Variants in BPTF observed in about 807,000 individuals in gnomAD.
The protein encoded by BPTF is nucleosome-remodeling factor subunit BPTF.
A neutral mutation model predicts 292.5 loss-of-function variants in BPTF; 18 were observed. That is an observed-to-expected ratio of 0.06 (90% CI 0.04 to 0.09). The LOEUF is 0.09. Among genes scored for constraint, BPTF ranks in the 10% least tolerant of loss-of-function variants. The pLI is 1.00. For missense variants in BPTF, 2,726 were observed against 3,498.7 expected, an observed-to-expected ratio of 0.78 and a Z score of 5.57; for synonymous variants, 1,225 against 1,251.9, an observed-to-expected ratio of 0.98 and a Z score of 0.45.
chr17:67,882,436 T>C (rs12938158), intron 4 of BPTF, among the ~76,000 whole-genome samples: 85 of 152,354 alleles, frequency 5.6e-4, no homozygotes, highest in African/African-American at 2.0e-3. Flanking sequence ...TTTACATTTG[T>C]ATATCTGTTC....
chr17:67,901,663 T>C (rs1174375366), intron 7 of BPTF, among the ~76,000 whole-genome samples: 8 of 152,198 alleles, frequency 5.3e-5, no homozygotes, highest in Admixed American at 5.2e-4. Flanking sequence ...ACATAAAAAA[T>C]GATTACTTCT....
At chr17:67,974,484 G>A (rs782314101) in intron 26 of BPTF, 21 of 152,058 alleles carry the variant, frequency 1.4e-4, no homozygotes, top group Non-Finnish European at 2.8e-4. Context: ...TGAAGATAGG[G>A]TTAGATCCCA....
At chr17:67,828,789 AAG>A (rs1193485440) in intron 1 of BPTF, among the ~76,000 whole-genome samples, 19 of 152,156 alleles carry the variant, frequency 1.2e-4, no homozygotes, top group African/African-American at 4.3e-4. Context: ...CAGCCTCCCA[AAG>A]TGCTGGGATT....
Position 67,941,058 on chromosome 17 carries a change from A to G in BPTF, c.6477+402A>G, listed in dbSNP as rs939078405. 1.3e-4 allele frequency among the ~76,000 whole-genome samples: 20 copies of G among 152,274 alleles called. 1 individual carries two copies. The highest frequency in any genetic ancestry group is 1.5e-5 in the Non-Finnish European group (1 of 68,052). ...GTTTTGTTTTTAGTGAAACTTCACAAGCTGATACTGAAAGTTTATATGGAG... is the reference window on the plus strand; with the variant it reads ...GTTTTGTTTTTAGTGAAACTTCACAGGCTGATACTGAAAGTTTATATGGAG... On this transcript the variant is annotated intron_variant, in intron 19 of 27. Coordinates refer to ENST00000306378, the MANE Select transcript of BPTF (RefSeq NM_182641.4).
chr17:67,958,271 A>G (rs1555681893), intron 23 of BPTF, among the ~76,000 whole-genome samples: 3 of 151,954 alleles, frequency 2.0e-5, no homozygotes, highest in African/African-American at 7.3e-5. Context: ...GGTGAAGGGT[A>G]CAGTGAGCCA....
chr17:67,975,690 T>A (rs542232083), intron 26 of BPTF, 82 bp from the exon 27 acceptor site: 4 of 1,296,800 alleles, frequency 3.1e-6, no homozygotes, highest in South Asian at 2.9e-5. Context: ...AGTAAACATA[T>A]ATACTTGTTA....
At chr17:67,876,145 T>C (rs2060038212) in intron 4 of BPTF, among the ~76,000 whole-genome samples, 1 of 152,250 alleles carries the variant, frequency 6.6e-6, no homozygotes, top group South Asian at 2.1e-4. Context: ...GTAATATTTA[T>C]AGCATTTCAA....
At chr17:67,981,606 C>CT in intron 27 of BPTF, 2 of 1,046,568 alleles carry the variant, frequency 1.9e-6, no homozygotes, top group Non-Finnish European at 2.3e-6. Context: ...AAAATTTACT[C>CT]TAGCAGCCAT....
intron 26 of BPTF, among the ~76,000 whole-genome samples, chr17:67,970,564 T>G (rs2068653099): frequency 6.6e-6 from 1 of 152,336 alleles, no homozygotes; most frequent in African/African-American, 2.4e-5. Context: ...AGTAAACATT[T>G]ATTTTCTAAG....
At position 67,895,332 on chromosome 17, in the gene BPTF, C is replaced by CAA. The variant is rs35234780; in HGVS notation, c.2543+1190_2543+1191dup. Among the ~76,000 whole-genome samples, 532 of 56,246 alleles carry CAA rather than the reference C, an allele frequency of 9.5e-3. 8 individuals carry two copies. The highest frequency in any genetic ancestry group is 0.019 in the African/African-American group (338 of 18,036). 36.9% of individuals were successfully genotyped at this position (56,246 alleles called of 152,430 possible). ...TGGGTGACAGAGCAAGACTTCATCT[C>CAA]AAAAAAAAAAAAAAAAAAAAAAAAG... On this transcript the variant is annotated intron_variant, in intron 7 of 27. Transcript: ENST00000306378.
chr17:67,954,673 C>T (rs1382605114), intron 23 of BPTF, among the ~76,000 whole-genome samples: 1 of 152,186 alleles, frequency 6.6e-6, no homozygotes, highest in Admixed American at 6.6e-5. Context: ...TATTTCTTCT[C>T]AGTTTCTCTT....
At chr17:67,871,970 C>T (rs889890107) in intron 3 of BPTF, among the ~76,000 whole-genome samples, 1 of 152,066 alleles carries the variant, frequency 6.6e-6, no homozygotes. Flanking sequence ...GGATTACAGG[C>T]GTGTGCCACC....
In BPTF at chr17:67,982,317, A is replaced by G; in HGVS notation, c.*29A>G. ...TCAGCGTGTTAACCTAACATAAAAC[A>G]CAGCAAGAATCTGGTTGTCTGAACT... On this transcript the variant is annotated 3_prime_UTR_variant, in exon 28 of 28. Coordinates refer to ENST00000306378, the MANE Select transcript of BPTF (RefSeq NM_182641.4). 2 of 1,593,872 alleles carry G rather than the reference A, an allele frequency of 1.3e-6. No individual in the cohort carries two copies. Among genetic ancestry groups the G allele is most frequent in the African/African-American group, 1.3e-5 (1 of 74,578 alleles).
chr17:67,845,226 C>T (rs1447175187), intron 1 of BPTF, among the ~76,000 whole-genome samples: 1 of 152,158 alleles, frequency 6.6e-6, no homozygotes, highest in Non-Finnish European at 1.5e-5. Context: ...TATCTTTCAC[C>T]TTTGAAAGTA....
chr17:67,964,735 T>C (rs1224639120), intron 25 of BPTF, among the ~76,000 whole-genome samples: 12 of 152,258 alleles, frequency 7.9e-5, no homozygotes, highest in African/African-American at 1.7e-4. Context: ...GCATGGTGGC[T>C]CATGCCTGTA....
At chr17:67,935,907 T>C (rs1405153388) in intron 18 of BPTF, among the ~76,000 whole-genome samples, 1 of 152,222 alleles carries the variant, frequency 6.6e-6, no homozygotes, top group Admixed American at 6.5e-5. Flanking sequence ...TTCAGAAGTC[T>C]TACTATACAT....
At chr17:67,941,951 T>A (rs2147853491) in intron 19 of BPTF, among the ~76,000 whole-genome samples, 1 of 152,084 alleles carries the variant, frequency 6.6e-6, no homozygotes, top group African/African-American at 2.4e-5. Context: ...ATCCAGAATA[T>A]ATAAAGAATT....
At chr17:67,898,412 C>T (rs768433496) in intron 7 of BPTF, among the ~76,000 whole-genome samples, 1 of 152,062 alleles carries the variant, frequency 6.6e-6, no homozygotes, top group Non-Finnish European at 1.5e-5. Context: ...CATTAGATGC[C>T]AAGAAGGTAT....
chr17:67,954,825 C>T (rs1555680203), intron 23 of BPTF, among the ~76,000 whole-genome samples: 1 of 152,168 alleles, frequency 6.6e-6, no homozygotes, highest in East Asian at 1.9e-4. Flanking sequence ...TCAAGGTTTT[C>T]TTTCTAACCT....
Sources: gnomAD v4.1 joint callset for allele counts (sites outside exome capture counted in the v4.1 genomes callset) on GRCh38, gnomAD v4.1.1 for gene constraint, MANE v1.5 for transcripts, NCBI Gene and HGNC (gene_info 2026-07-23, HGNC 2026-07-21) for gene names.